The following NKAIN3 variants were observed in gnomAD, a reference collection of about 807,000 sequenced individuals.
The protein encoded by NKAIN3 is sodium/potassium-transporting ATPase subunit beta-1-interacting protein 3.
Under a neutral mutation model 30.2 loss-of-function variants are expected in NKAIN3, and 25 were observed. That is an observed-to-expected ratio of 0.83 (90% CI 0.60 to 1.16). The LOEUF is 1.16. Ranked by LOEUF, NKAIN3 falls within the 50% of genes most tolerant of loss-of-function variation. The pLI is 0.00. For missense variants in NKAIN3, 225 were observed against 254.1 expected, an observed-to-expected ratio of 0.89 and a Z score of 0.78; for synonymous variants, 91 against 89.6, an observed-to-expected ratio of 1.02 and a Z score of -0.09.
intron 1 of NKAIN3, among the ~76,000 whole-genome samples, chr8:62,533,611 T>G (rs1016726864): frequency 1.3e-5 from 2 of 152,336 alleles, no homozygotes; most frequent in African/African-American, 4.8e-5. Flanking sequence ...AGATTTCCCC[T>G]TTTTTCTGCT....
At chr8:62,761,296 T>C (rs563283273) in intron 4 of NKAIN3, among the ~76,000 whole-genome samples, 2 of 152,014 alleles carry the variant, frequency 1.3e-5, no homozygotes, top group African/African-American at 4.8e-5. Flanking sequence ...CTTTAAATAA[T>C]GTTCTGTGTA....
At chr8:62,397,746 C>A (rs1817809501) in intron 1 of NKAIN3, among the ~76,000 whole-genome samples, 1 of 152,166 alleles carries the variant, frequency 6.6e-6, no homozygotes, top group Non-Finnish European at 1.5e-5. Context: ...GGAGTCGGCG[C>A]TACGGCATCT....
chr8:62,747,194 A>G (rs1816103449), intron 4 of NKAIN3, 65 bp downstream of exon 4: 1 of 1,033,082 alleles, frequency 9.7e-7, no homozygotes, highest in South Asian at 1.5e-5. Context: ...TTTTCTCCAC[A>G]TCTACCTGAT....
At chr8:62,477,003 T>A (rs1806541703) in intron 1 of NKAIN3, among the ~76,000 whole-genome samples, 1 of 151,982 alleles carries the variant, frequency 6.6e-6, no homozygotes, top group African/African-American at 2.4e-5. Flanking sequence ...AAATGTATAG[T>A]CAGCTTTGAT....
chr8:62,500,091 AG>A (rs745810311), intron 1 of NKAIN3, among the ~76,000 whole-genome samples: 2 of 152,106 alleles, frequency 1.3e-5, no homozygotes, highest in Non-Finnish European at 2.9e-5. Flanking sequence ...GCAAGATTGC[AG>A]GGGGTCCTAT....
rs1042795586 is a variant in NKAIN3, at chr8:62,283,504, C to T, written c.54+34377C>T. Among the ~76,000 whole-genome samples, 31 of 152,030 alleles carry T rather than the reference C, an allele frequency of 2.0e-4. No homozygotes were observed. In the East Asian group the frequency reaches 4.0e-3, roughly 20 times the overall value. Reference sequence around the variant, plus strand: ...CAGGATCCCTTACTAGAAAATTTTCCAGTACCTGGATTAACCCAAAGTTAC... The same window carrying T: ...CAGGATCCCTTACTAGAAAATTTTCTAGTACCTGGATTAACCCAAAGTTAC... On this transcript the variant is annotated intron_variant, in intron 1 of 6. Transcript: ENST00000623646.
At chr8:62,813,917 T>C (rs1219364060) in intron 4 of NKAIN3, among the ~76,000 whole-genome samples, 1 of 152,054 alleles carries the variant, frequency 6.6e-6, no homozygotes, top group Non-Finnish European at 1.5e-5. Context: ...CTGTATATAA[T>C]ATTCTTGACT....
At chr8:62,480,807 G>C (rs1389260811) in intron 1 of NKAIN3, among the ~76,000 whole-genome samples, 1 of 152,230 alleles carries the variant, frequency 6.6e-6, no homozygotes, top group South Asian at 2.1e-4. Flanking sequence ...TAGGTCCCAC[G>C]TGGGACCTGG....
chr8:62,430,642 C>T (rs942003449), intron 1 of NKAIN3, among the ~76,000 whole-genome samples: 3 of 151,638 alleles, frequency 2.0e-5, no homozygotes, highest in African/African-American at 4.8e-5. Context: ...AAGAACTTTG[C>T]ATTTAAGGGT....
At position 62,803,472 on chromosome 8, in the gene NKAIN3, G is replaced by A. The variant is rs140868722; in HGVS notation, c.471+56343G>A. On this transcript the variant is annotated intron_variant, in intron 4 of 6. Coordinates refer to ENST00000623646, the MANE Select transcript of NKAIN3 (RefSeq NM_001304533.3). Reference sequence around the variant, plus strand: ...AGGATTCAGAAACTCACTCAAAACCGCTCAACTACATGGAAACTGAAAAAC... The same window carrying A: ...AGGATTCAGAAACTCACTCAAAACCACTCAACTACATGGAAACTGAAAAAC... Among the ~76,000 whole-genome samples the A allele has an allele frequency of 4.2e-3, 637 of 152,096 alleles. 3 individuals are homozygous for A. The highest frequency in any genetic ancestry group is 0.015 in the African/African-American group (602 of 41,480).
At chr8:62,781,606 A>G (rs1309488416) in intron 4 of NKAIN3, among the ~76,000 whole-genome samples, 1 of 151,922 alleles carries the variant, frequency 6.6e-6, no homozygotes, top group Non-Finnish European at 1.5e-5. Flanking sequence ...AGAATAGAGA[A>G]CCCAGAAATA....
intron 1 of NKAIN3, among the ~76,000 whole-genome samples, chr8:62,572,324 A>T (rs564134754): frequency 1.3e-4 from 20 of 152,314 alleles, no homozygotes; most frequent in African/African-American, 4.8e-4. Context: ...AGACCACCTT[A>T]GCCTGGACCT....
intron 3 of NKAIN3, among the ~76,000 whole-genome samples, chr8:62,701,369 T>C (rs1229804013): frequency 6.6e-6 from 1 of 152,188 alleles, no homozygotes; most frequent in Non-Finnish European, 1.5e-5. Context: ...TGAGCTTTAG[T>C]CACGCTTTGT....
intron 1 of NKAIN3, among the ~76,000 whole-genome samples, chr8:62,455,437 T>G (rs1805784455): frequency 6.6e-6 from 1 of 152,188 alleles, no homozygotes; most frequent in African/African-American, 2.4e-5. Context: ...AAATACTGCA[T>G]GTTCTCATTT....
chr8:62,651,051 A>G (rs985225555), intron 3 of NKAIN3, among the ~76,000 whole-genome samples: 4 of 152,026 alleles, frequency 2.6e-5, no homozygotes, highest in Admixed American at 1.3e-4. Context: ...GACTCTCTAT[A>G]AGATGTGTAT....
At chr8:62,707,820 T>G (rs1366417667) in intron 3 of NKAIN3, among the ~76,000 whole-genome samples, 4 of 152,188 alleles carry the variant, frequency 2.6e-5, no homozygotes, top group African/African-American at 9.6e-5. Context: ...TCTAGAAAGA[T>G]TCTTCCAGTG....
At chr8:62,886,731 T>C (rs1821157875) in intron 4 of NKAIN3, among the ~76,000 whole-genome samples, 1 of 152,174 alleles carries the variant, frequency 6.6e-6, no homozygotes, top group African/African-American at 2.4e-5. Flanking sequence ...AGGTATACCA[T>C]AGTGGTTTGC....
intron 1 of NKAIN3, among the ~76,000 whole-genome samples, chr8:62,399,814 GGA>G (rs1817879239): frequency 6.6e-6 from 1 of 152,274 alleles, no homozygotes; most frequent in East Asian, 1.9e-4. Context: ...GTGAGGAAAT[GGA>G]GAGAGTCATT....
intron 4 of NKAIN3, among the ~76,000 whole-genome samples, chr8:62,820,303 T>C (rs1437403586): frequency 1.3e-5 from 2 of 152,102 alleles, no homozygotes; most frequent in Admixed American, 6.6e-5. Context: ...TTTAATAGTA[T>C]AAACAATAGA....
Sources: allele counts gnomAD v4.1 joint callset (sites outside exome capture counted in the v4.1 genomes callset), GRCh38; gene constraint gnomAD v4.1.1; transcripts MANE v1.5; gene names NCBI Gene and HGNC (gene_info 2026-07-23, HGNC 2026-07-21).